Variants in SEMA3A observed in about 807,000 individuals in gnomAD.
SEMA3A encodes semaphorin-3A.
In SEMA3A, 29 loss-of-function variants were observed where a neutral mutation model predicts 97.9. That is an observed-to-expected ratio of 0.30 (90% CI 0.22 to 0.40). SEMA3A has a LOEUF of 0.40. Ranked by LOEUF, SEMA3A falls within the 10% of genes least tolerant of loss-of-function variation. SEMA3A has a pLI of 1.00. For synonymous variants in SEMA3A, 321 were observed against 323.7 expected (o/e 0.99, Z 0.09); for missense variants, 763 against 951.3 (o/e 0.80, Z 2.60).
At chr7:84,308,226 T>C (rs1048008038) in intron 2 of SEMA3A, among the ~76,000 whole-genome samples, 1 of 152,154 alleles carries the variant, frequency 6.6e-6, no homozygotes, top group Non-Finnish European at 1.5e-5. Flanking sequence ...TTGTCCTATA[T>C]GCATTTTTCG....
rs547964185 is a variant in SEMA3A, at chr7:84,309,915, T to C, written c.-168-2623A>G. Among the ~76,000 whole-genome samples the C allele has an allele frequency of 1.4e-4, 21 of 152,222 alleles. No homozygotes were observed. In the South Asian group the frequency reaches 4.4e-3, roughly 32 times the overall value. On this transcript the variant is annotated intron_variant, in intron 2 of 3. Transcript: ENST00000424555. Reference sequence around the variant, plus strand: ...GGGTGATGAGAGAAATATGAAGATGTAAAATAAAATATGCTTATAACTATA... The same window carrying C: ...GGGTGATGAGAGAAATATGAAGATGCAAAATAAAATATGCTTATAACTATA...
chr7:84,210,593 T>C (rs1455244362), intron 3 of SEMA3A, among the ~76,000 whole-genome samples: 1 of 152,166 alleles, frequency 6.6e-6, no homozygotes. Context: ...ACGAAAGCCA[T>C]GAAAGGATTT....
intron 3 of SEMA3A, among the ~76,000 whole-genome samples, chr7:84,301,083 G>T (rs1397918630): frequency 6.6e-6 from 1 of 151,980 alleles, no homozygotes; most frequent in African/African-American, 2.4e-5. Context: ...CTGCAGGGGA[G>T]GGGAGTTAAA....
At chr7:84,413,731 T>G (rs1014668216) in intron 1 of SEMA3A, among the ~76,000 whole-genome samples, 3 of 152,136 alleles carry the variant, frequency 2.0e-5, no homozygotes, top group Admixed American at 6.6e-5. Flanking sequence ...GAGAAAAAAC[T>G]TGAAAGCAGT....
intron 1 of SEMA3A, among the ~76,000 whole-genome samples, chr7:84,422,376 T>C (rs899589989): frequency 1.4e-5 from 2 of 147,510 alleles, no homozygotes; most frequent in Non-Finnish European, 2.9e-5. Context: ...CCTTTTATCA[T>C]TTTTTATTGT....
At chr7:84,144,420 A>C (rs1484053302) in intron 1 of SEMA3A, among the ~76,000 whole-genome samples, 2 of 152,076 alleles carry the variant, frequency 1.3e-5, no homozygotes, top group Non-Finnish European at 2.9e-5. Context: ...TAATTTTTTG[A>C]AAGAGATGAA....
intron 1 of SEMA3A, among the ~76,000 whole-genome samples, chr7:84,394,654 A>T (rs1803678223): frequency 6.6e-6 from 1 of 152,130 alleles, no homozygotes; most frequent in African/African-American, 2.4e-5. Flanking sequence ...ACTAAAACCT[A>T]CAGATTTAAT....
At chr7:84,150,652 G>C (rs796545406) in intron 1 of SEMA3A, among the ~76,000 whole-genome samples, 18 of 152,070 alleles carry the variant, frequency 1.2e-4, no homozygotes, top group African/African-American at 2.2e-4. Flanking sequence ...AGGCGGCAGT[G>C]AGGATGGGGG....
intron 1 of SEMA3A, among the ~76,000 whole-genome samples, chr7:84,428,214 C>G (rs1052631965): frequency 5.3e-5 from 8 of 152,022 alleles, no homozygotes; most frequent in Non-Finnish European, 7.4e-5. Context: ...ACTTATTTTG[C>G]ATGGAAGTCA....
intron 1 of SEMA3A, among the ~76,000 whole-genome samples, chr7:84,373,915 AGTT>A (rs1198639601): frequency 6.6e-6 from 1 of 152,224 alleles, no homozygotes; most frequent in Non-Finnish European, 1.5e-5. Context: ...TTTAACAAGT[AGTT>A]GTTGAAAATA....
chr7:84,312,561 A>G (rs1584229014), intron 2 of SEMA3A, among the ~76,000 whole-genome samples: 1 of 151,648 alleles, frequency 6.6e-6, no homozygotes, highest in Non-Finnish European at 1.5e-5. Context: ...TATGTATTTT[A>G]TAATATATAC....
At chr7:84,242,241 C>G (rs1160957944) in intron 3 of SEMA3A, among the ~76,000 whole-genome samples, 1 of 152,018 alleles carries the variant, frequency 6.6e-6, no homozygotes, top group African/African-American at 2.4e-5. Context: ...TTTCACGATA[C>G]TGATTCTTTC....
chr7:84,215,646 C>A (rs1460665070), intron 3 of SEMA3A, among the ~76,000 whole-genome samples: 1 of 152,190 alleles, frequency 6.6e-6, no homozygotes, highest in Non-Finnish European at 1.5e-5. Flanking sequence ...ATTCTATTAA[C>A]CTCCTCTATT....
chr7:83,984,051 T>C (rs1339608940), intron 13 of SEMA3A, among the ~76,000 whole-genome samples: 1 of 152,138 alleles, frequency 6.6e-6, no homozygotes, highest in Non-Finnish European at 1.5e-5. Context: ...TGATAGATTG[T>C]TTTTCTTTGT....
intron 1 of SEMA3A, among the ~76,000 whole-genome samples, chr7:84,458,494 A>T (rs1400228217): frequency 6.6e-6 from 1 of 151,946 alleles, no homozygotes; most frequent in Non-Finnish European, 1.5e-5. Context: ...TTGAATTTTG[A>T]TTTCATTTTC....
chr7:84,202,052 A>G (rs555760323), intron 3 of SEMA3A, among the ~76,000 whole-genome samples: 7 of 152,194 alleles, frequency 4.6e-5, no homozygotes, highest in Non-Finnish European at 1.0e-4. Flanking sequence ...CTGATTATAC[A>G]TGAGGAAAAC....
rs373073895 is a variant in SEMA3A at position 84,120,843 on chromosome 7, C to A, written c.333+8280G>T. Among the ~76,000 whole-genome samples, 6 of 152,108 alleles carry A rather than the reference C, an allele frequency of 3.9e-5. No individual in the cohort carries two copies. The East Asian group carries it at 1.2e-3, about 29-fold the overall frequency. ...CATGAATACTAACAAAAGATTGTGA[C>A]TCAGGGTTCAGAGGTAAAGGACTTT... On this transcript the variant is annotated intron_variant, in intron 3 of 16. Coordinates refer to ENST00000265362, the MANE Select transcript of SEMA3A (RefSeq NM_006080.3).
intron 4 of SEMA3A, among the ~76,000 whole-genome samples, chr7:84,069,487 C>G (rs1041304152): frequency 2.0e-5 from 3 of 151,974 alleles, no homozygotes; most frequent in African/African-American, 7.2e-5. Context: ...GAAATGCCAG[C>G]CTATATTTTT....
At chr7:84,147,893 T>A (rs190556110) in intron 1 of SEMA3A, among the ~76,000 whole-genome samples, 18 of 152,130 alleles carry the variant, frequency 1.2e-4, no homozygotes, top group Admixed American at 4.6e-4. Context: ...TTACTCTCAC[T>A]CTCTCTCTTT....
Sources: allele counts gnomAD v4.1 joint callset (sites outside exome capture counted in the v4.1 genomes callset), GRCh38; gene constraint gnomAD v4.1.1; transcripts MANE v1.5; gene names NCBI Gene and HGNC (gene_info 2026-07-23, HGNC 2026-07-21).